Variants in GPC2 observed in about 807,000 individuals in gnomAD.
GPC2 encodes glypican-2.
A neutral mutation model predicts 57.3 loss-of-function variants in GPC2; 42 were observed. The ratio of observed to expected loss-of-function variants is 0.73; its 90% CI spans 0.57 to 0.95. The LOEUF (loss-of-function observed/expected upper bound fraction) is 0.95. GPC2 is among the 40% of genes least tolerant of loss of function. The pLI, the probability that GPC2 is intolerant of heterozygous loss-of-function variation, is 0.00. For missense variants in GPC2, 745 were observed against 793.6 expected (o/e 0.94, Z 0.74); for synonymous variants, 364 against 343.4 (o/e 1.06, Z -0.66).
chr7:100,171,299 G>T lies in GPC2; in HGVS notation c.1448C>A (p.Thr483Lys). Residue 483 changes from threonine (T) to lysine (K), a missense_variant, in exon 9 of 10, where the codon ACG (threonine) becomes AAG (lysine). Coordinates refer to ENST00000292377, the MANE Select transcript of GPC2 (RefSeq NM_152742.3). This position sits in a 1 kb window ranked among gnomAD's most constrained non-coding sequence, Gnocchi z 4.8. The part of the protein sequence containing the change: ...QLRAATARMK[T>K]AALGHDLDGQ... ...GTCCAGGTCGTGTCCCAGTGCGGCC[G>T]TTTTCATTCTGGCCGTGGCCGCCCG... 6.5e-7 allele frequency: 1 copy of T among 1,539,456 alleles called. No individual in the cohort carries two copies. Among genetic ancestry groups the T allele is most frequent in the Non-Finnish European group, 8.8e-7 (1 of 1,141,808 alleles).
At chr7:100,175,273 G>T (rs147050977) in intron 3 of GPC2, among the ~76,000 whole-genome samples, 342 of 152,334 alleles carry the variant, frequency 2.2e-3, no homozygotes, top group African/African-American at 7.6e-3. Flanking sequence ...GATTAGGAAG[G>T]GGTTGGCACA....
intron 4 of GPC2, 41 bp downstream of exon 4, chr7:100,174,644 C>T: frequency 3.4e-6 from 5 of 1,455,620 alleles, no homozygotes; most frequent in Non-Finnish European, 4.8e-6. Context: ...ACTTCCACCT[C>T]TCCCTCCCTG....
chr7:100,174,482 G>C (rs1799235764), intron 4 of GPC2: 1 of 664,524 alleles, frequency 1.5e-6, no homozygotes, highest in Non-Finnish European at 2.7e-6. Flanking sequence ...AGGGGAGGAG[G>C]GGGTCAGAGA....
At chr7:100,170,723 GAAAA>G (rs958823035) in intron 9 of GPC2, among the ~76,000 whole-genome samples, 3 of 147,700 alleles carry the variant, frequency 2.0e-5, no homozygotes, top group African/African-American at 7.5e-5. Flanking sequence ...GAGACAGAGA[GAAAA>G]AAAAACAAAA....
In GPC2 at chr7:100,177,236, A is replaced by G; in HGVS notation, c.-37T>C. The G allele has an allele frequency of 6.3e-7, 1 of 1,577,280 alleles. No homozygotes were observed. Among genetic ancestry groups the G allele is most frequent in the Non-Finnish European group, 8.6e-7 (1 of 1,159,162 alleles). ...CCCCAGGACGGCAAAGTGGGTCCTAAGGAGGAAAGCAGAGCCTCCCAAACT... is the reference window on the plus strand; with the variant it reads ...CCCCAGGACGGCAAAGTGGGTCCTAGGGAGGAAAGCAGAGCCTCCCAAACT... On this transcript the variant is annotated 5_prime_UTR_variant, in exon 1 of 10. Coordinates refer to ENST00000292377, the MANE Select transcript of GPC2 (RefSeq NM_152742.3).
chr7:100,176,943 C>G (rs1799302349), intron 1 of GPC2, 91 bp downstream of exon 1: 1 of 935,892 alleles, frequency 1.1e-6, no homozygotes, highest in Admixed American at 3.1e-5. Flanking sequence ...GTATAACGGT[C>G]ACTCTGAAAA....
At chr7:100,172,749 G>GTA (rs774184744) in intron 5 of GPC2, among the ~76,000 whole-genome samples, 1 of 101,312 alleles carries the variant, frequency 9.9e-6, no homozygotes, top group Non-Finnish European at 2.4e-5. Flanking sequence ...ATATATGTGT[G>GTA]TATATATATG....
chr7:100,171,995 C>A lies in GPC2; in HGVS notation c.1024-70G>T. On this transcript the variant is annotated intron_variant, in intron 6 of 9. Coordinates refer to ENST00000292377, the MANE Select transcript of GPC2 (RefSeq NM_152742.3). The surrounding 1 kb of genome is among the most constrained non-coding windows in gnomAD (Gnocchi z 4.8). ...ACCACACTGCGTCCCCACTCTGACC[C>A]CAGAGTCTCTTCCCAGATCCCCTAT... 6.4e-7 allele frequency: 1 copy of A among 1,565,584 alleles called. No individual in the cohort carries two copies. The highest frequency in any genetic ancestry group is 1.2e-5 in the South Asian group (1 of 85,066).
chr7:100,170,981 C>T, intron 9 of GPC2: 1 of 392,212 alleles, frequency 2.5e-6, no homozygotes, highest in Non-Finnish European at 4.5e-6. Flanking sequence ...AAATTGCCCC[C>T]TCCCCCATTT....
intron 5 of GPC2, among the ~76,000 whole-genome samples, chr7:100,172,667 A>G (rs1330410404): frequency 7.7e-6 from 1 of 129,824 alleles, no homozygotes; most frequent in Non-Finnish European, 1.7e-5. Context: ...GTGTATATAT[A>G]TATATGTGTG....
chr7:100,172,158 C>T lies in GPC2; in HGVS notation c.952G>A (p.Glu318Lys), dbSNP rs1487653615. The change falls in exon 6 of 10, where the codon GAG becomes AAG. Residue 318 changes from glutamate (E) to lysine (K), a missense_variant. Transcript: ENST00000292377. ...QGPFSFELTA[E>K]SIGVKISEGL... ...TCCGAGATCTTCACCCCAATGGACT[C>T]GGCCGTCAGCTCAAAGGAAAAGGGG... The T allele has an allele frequency of 6.2e-7, 1 of 1,613,854 alleles. No individual in the cohort carries two copies. Among genetic ancestry groups the T allele is most frequent in the African/African-American group, 1.3e-5 (1 of 74,844 alleles).
intron 5 of GPC2, among the ~76,000 whole-genome samples, chr7:100,173,212 C>T (rs1186887999): frequency 3.9e-5 from 6 of 152,136 alleles, no homozygotes; most frequent in Non-Finnish European, 8.8e-5. Context: ...CCTTGTGATC[C>T]GCCTGCCTCC....
chr7:100,173,666 C>G, intron 5 of GPC2, 169 bp downstream of exon 5: 1 of 436,640 alleles, frequency 2.3e-6, no homozygotes. Flanking sequence ...CTCTCTCTCT[C>G]TTTCTTTCTC....
In GPC2 at chr7:100,172,147, C is replaced by T; in HGVS notation, c.963G>A (p.Gly321=). The change falls in exon 6 of 10, where the codon GGG becomes GGA. Residue 321 remains glycine, a synonymous_variant. Coordinates refer to ENST00000292377, the MANE Select transcript of GPC2 (RefSeq NM_152742.3). The part of the protein sequence containing the change: ...FSFELTAESI[G]VKISEGLMYL... ...ACATCAAACCCTCCGAGATCTTCAC[C>T]CCAATGGACTCGGCCGTCAGCTCAA... 1 of 1,614,000 alleles carries T rather than the reference C, an allele frequency of 6.2e-7. No homozygotes were observed. The highest frequency in any genetic ancestry group is 1.1e-5 in the South Asian group (1 of 91,066).
In GPC2 at chr7:100,171,517, C is replaced by A. The variant is rs1365185972; in HGVS notation, c.1310+22G>T. ...GGCCGCGGTCCCGCCCCCTGCTGCC[C>A]CCCGACGCCCCCGAGGCTCACCGGC... is the stretch of plus-strand genomic sequence containing the variant. On this transcript the variant is annotated intron_variant, in intron 8 of 9. Transcript: ENST00000292377. This position sits in a 1 kb window ranked among gnomAD's most constrained non-coding sequence, Gnocchi z 4.8. The A allele has an allele frequency of 7.4e-7, 1 of 1,360,162 alleles. No individual in the cohort carries two copies. Among genetic ancestry groups the A allele is most frequent in the South Asian group, 1.8e-5 (1 of 56,010 alleles). 84.3% of individuals were successfully genotyped at this position (1,360,162 alleles called of 1,614,324 possible).
chr7:100,172,465 ATT>A (rs766292878), intron 5 of GPC2, among the ~76,000 whole-genome samples: 5 of 140,120 alleles, frequency 3.6e-5, no homozygotes, highest in African/African-American at 2.6e-5. Flanking sequence ...GGATTTTAGG[ATT>A]TTTTTTTTTT....
In GPC2 at chr7:100,177,262, C is replaced by T. The variant is rs1248609831; in HGVS notation, c.-63G>A. On this transcript the variant is annotated 5_prime_UTR_variant, in exon 1 of 10. Coordinates refer to ENST00000292377, the MANE Select transcript of GPC2 (RefSeq NM_152742.3). ...GGAGGAAAGCAGAGCCTCCCAAACT[C>T]GGGAATCCGGTACTCGGCCGCGGGA... The T allele has an allele frequency of 2.4e-5, 35 of 1,448,768 alleles. No homozygotes were observed. Among genetic ancestry groups the T allele is most frequent in the Non-Finnish European group, 3.1e-5 (33 of 1,075,184 alleles). The allele number at this position is 1,448,768 out of a possible 1,614,324, so 89.7% of individuals were successfully genotyped here.
rs1329064238 is a variant in GPC2 at position 100,171,848 on chromosome 7, G to A, written c.1101C>T (p.Gly367=). ...RRAPPPREEA[G]RLWSMVTEEE... ...CCTCGGTCACCATCGACCACAGCCGGCCCGCCTCTTCCCGGGGCGGCGGGG... is the reference window on the plus strand; with the variant it reads ...CCTCGGTCACCATCGACCACAGCCGACCCGCCTCTTCCCGGGGCGGCGGGG... Residue 367 remains glycine (G), a synonymous_variant, in exon 7 of 10, where the codon GGC becomes GGT. Transcript: ENST00000292377. The surrounding 1 kb of genome is among the most constrained non-coding windows in gnomAD (Gnocchi z 4.8). The A allele has an allele frequency of 2.6e-6, 4 of 1,553,698 alleles. No individual in the cohort carries two copies. The highest frequency in any genetic ancestry group is 3.5e-6 in the Non-Finnish European group (4 of 1,157,982).
Position 100,176,204 on chromosome 7 carries a change from C to T in GPC2, c.325+3G>A. The T allele has an allele frequency of 1.2e-6, 2 of 1,601,890 alleles. No individual in the cohort carries two copies. Among genetic ancestry groups the T allele is most frequent in the Non-Finnish European group, 1.7e-6 (2 of 1,173,648 alleles). On this transcript the variant is annotated splice_donor_region_variant and intron_variant, in intron 2 of 9. Transcript: ENST00000292377. ...GCTGAGTTTGGGGACCCCAGGTCCTCACCATCAAATTTTCTGTGCCTGGCA... is the reference window on the plus strand; with the variant it reads ...GCTGAGTTTGGGGACCCCAGGTCCTTACCATCAAATTTTCTGTGCCTGGCA...
Sources: gnomAD v4.1 joint callset for allele counts (sites outside exome capture counted in the v4.1 genomes callset) on GRCh38, gnomAD v4.1.1 for gene constraint, Gnocchi (gnomAD v3.1) non-coding constraint, MANE v1.5 for transcripts, NCBI Gene and HGNC (gene_info 2026-07-23, HGNC 2026-07-21) for gene names.